PIAS1: variants seen among roughly 807,000 people sequenced by gnomAD.
The protein encoded by PIAS1 is E3 SUMO-protein ligase PIAS1.
A neutral mutation model predicts 71.3 loss-of-function variants in PIAS1; 6 were observed. The ratio of observed to expected loss-of-function variants is 0.08; its 90% CI spans 0.05 to 0.17. PIAS1 has a LOEUF of 0.17. Ranked by LOEUF, PIAS1 falls within the 10% of genes least tolerant of loss-of-function variation. The pLI is 1.00. For missense variants in PIAS1, 555 were observed against 793.6 expected (o/e 0.70, Z 3.61); for synonymous variants, 303 against 292.9 (o/e 1.03, Z -0.35).
chr15:68,114,971 T>TA (rs1460046993), intron 2 of PIAS1, among the ~76,000 whole-genome samples: 6 of 152,220 alleles, frequency 3.9e-5, no homozygotes, highest in African/African-American at 1.4e-4. Flanking sequence ...GAGATGGTGT[T>TA]ACAAATCTTC....
chr15:68,056,389 G>T (rs2091896651), intron 1 of PIAS1, among the ~76,000 whole-genome samples: 1 of 152,154 alleles, frequency 6.6e-6, no homozygotes. Flanking sequence ...GTCTTGTTAG[G>T]TAAAGTTTCT....
In PIAS1 at chr15:68,192,405, C is replaced by T. The variant is rs1013077575; in HGVS notation, c.*4570C>T. 2.0e-5 allele frequency: 3 copies of T among 152,204 alleles called. No homozygotes were observed. The highest frequency in any genetic ancestry group is 2.9e-5 in the Non-Finnish European group (2 of 68,052). The allele number at this position is 152,204 out of a possible 1,614,324, so 9.4% of individuals were successfully genotyped here. On this transcript the variant is annotated 3_prime_UTR_variant, in exon 14 of 14. Coordinates refer to ENST00000249636, the MANE Select transcript of PIAS1 (RefSeq NM_016166.3). Reference sequence around the variant, plus strand: ...TTGTATTCTTAAGGCAGCCAAATCTCGTAAACCTCAGACCCCACAAAACAT... The same window carrying T: ...TTGTATTCTTAAGGCAGCCAAATCTTGTAAACCTCAGACCCCACAAAACAT...
intron 6 of PIAS1, among the ~76,000 whole-genome samples, chr15:68,147,773 T>C (rs1271504658): frequency 6.6e-6 from 1 of 152,200 alleles, no homozygotes; most frequent in African/African-American, 2.4e-5. Flanking sequence ...TCTTTCACTT[T>C]TTAAATAGCT....
At chr15:68,176,774 AT>A in intron 11 of PIAS1, 120 bp downstream of exon 11, 1 of 749,432 alleles carries the variant, frequency 1.3e-6, no homozygotes, top group Non-Finnish European at 2.1e-6. Flanking sequence ...CAATCAAAGA[AT>A]AGTTTGAATT....
At position 68,189,192 on chromosome 15, in the gene PIAS1, CTG is replaced by C. The variant is rs901432533; in HGVS notation, c.*1359_*1360del. ...ATGGAACATGTAAATATACTGAAAA[CTG>C]TTTTTCAGGAGAGAAATATGAGTTG... On this transcript the variant is annotated 3_prime_UTR_variant, in exon 14 of 14. Coordinates refer to ENST00000249636, the MANE Select transcript of PIAS1 (RefSeq NM_016166.3). The C allele has an allele frequency of 5.7e-4, 86 of 152,158 alleles. No homozygotes were observed. Among genetic ancestry groups the C allele is most frequent in the African/African-American group, 2.0e-3 (81 of 41,526 alleles). The allele number at this position is 152,158 out of a possible 1,614,324, so 9.4% of individuals were successfully genotyped here.
chr15:68,090,260 C>T (rs892854432), intron 2 of PIAS1, among the ~76,000 whole-genome samples: 2 of 151,744 alleles, frequency 1.3e-5, no homozygotes, highest in South Asian at 4.2e-4. Context: ...TGGAATGTGG[C>T]GGCGAGATCT....
At chr15:68,058,072 T>C (rs2091915393) in intron 1 of PIAS1, among the ~76,000 whole-genome samples, 1 of 152,248 alleles carries the variant, frequency 6.6e-6, no homozygotes, top group South Asian at 2.1e-4. Context: ...GTGTAATTTG[T>C]ACCCTTTTTT....
At chr15:68,062,399 G>T (rs192874045) in intron 1 of PIAS1, among the ~76,000 whole-genome samples, 10 of 152,134 alleles carry the variant, frequency 6.6e-5, no homozygotes, top group Admixed American at 5.2e-4. Flanking sequence ...AGTTCACCTC[G>T]TTAAAGTGCA....
intron 2 of PIAS1, among the ~76,000 whole-genome samples, chr15:68,102,742 C>G (rs1337819554): frequency 1.3e-5 from 2 of 151,946 alleles, no homozygotes; most frequent in African/African-American, 2.4e-5. Flanking sequence ...ACTTATAGTT[C>G]TAGGAAGTTT....
At chr15:68,168,162 C>G (rs1384288528) in intron 8 of PIAS1, among the ~76,000 whole-genome samples, 2 of 151,936 alleles carry the variant, frequency 1.3e-5, no homozygotes, top group Non-Finnish European at 2.9e-5. Context: ...GCGCCTGTCA[C>G]CACGCCCGGC....
chr15:68,124,241 C>A (rs542709612), intron 2 of PIAS1, among the ~76,000 whole-genome samples: 1 of 152,180 alleles, frequency 6.6e-6, no homozygotes, highest in South Asian at 2.1e-4. Context: ...CTACTGATGG[C>A]TATAACTATG....
intron 1 of PIAS1, among the ~76,000 whole-genome samples, chr15:68,077,894 G>A (rs1412420081): frequency 6.6e-6 from 1 of 152,182 alleles, no homozygotes; most frequent in South Asian, 2.1e-4. Context: ...GACCCAGACT[G>A]AAGGCTGTAA....
Position 68,167,511 on chromosome 15 carries a change from A to C in PIAS1, c.1008+2707A>C, listed in dbSNP as rs1039464798. Among the ~76,000 whole-genome samples, 5 of 152,202 alleles carry C rather than the reference A, an allele frequency of 3.3e-5. No individual in the cohort carries two copies. The highest frequency in any genetic ancestry group is 1.2e-4 in the African/African-American group (5 of 41,466). The stretch of plus-strand genomic sequence containing the variant: ...CATTTAGCTAAAGGCAACAAAAATA[A>C]TTAAAAATGTTTTTACTCTTTGGGA... On this transcript the variant is annotated intron_variant, in intron 8 of 13. Transcript: ENST00000249636. The surrounding 1 kb of genome is among the most constrained non-coding windows in gnomAD (Gnocchi z 4.4).
rs566577979 is a variant in PIAS1 at position 68,183,246 on chromosome 15, G to T, written c.1625-384G>T. On this transcript the variant is annotated intron_variant, in intron 12 of 13. Transcript: ENST00000249636. ...CTTCAAACTTTCTCACCTGCAAAATGAGGGCAAAACTAATTACATACCTCA... is the reference window on the plus strand; with the variant it reads ...CTTCAAACTTTCTCACCTGCAAAATTAGGGCAAAACTAATTACATACCTCA... 1.8e-3 allele frequency among the ~76,000 whole-genome samples: 277 copies of T among 152,326 alleles called. 2 individuals carry two copies. Among genetic ancestry groups the T allele is most frequent in the African/African-American group, 6.5e-3 (270 of 41,568 alleles).
At chr15:68,060,476 G>A (rs550347688) in intron 1 of PIAS1, among the ~76,000 whole-genome samples, 1 of 152,130 alleles carries the variant, frequency 6.6e-6, no homozygotes, top group East Asian at 1.9e-4. Context: ...AGCCGGGCGT[G>A]GTGGTGCGCA....
chr15:68,064,066 T>C (rs2091989979), intron 1 of PIAS1, among the ~76,000 whole-genome samples: 1 of 152,202 alleles, frequency 6.6e-6, no homozygotes, highest in Non-Finnish European at 1.5e-5. Context: ...TCAAATCTGA[T>C]GGTTAACTCA....
rs1374772172 is a variant in PIAS1 at position 68,182,347 on chromosome 15, A to T, written c.1624+993A>T. On this transcript the variant is annotated intron_variant, in intron 12 of 13. Transcript: ENST00000249636. ...TAAAAAAGCCATATATGCTCATTGT[A>T]GAAAATTCAACACAGAAACATAAAG... Among the ~76,000 whole-genome samples the T allele has an allele frequency of 1.3e-5, 2 of 151,264 alleles. 1 individual carries two copies. Among genetic ancestry groups the T allele is most frequent in the Non-Finnish European group, 2.9e-5 (2 of 67,886 alleles).
At position 68,192,381 on chromosome 15, in the gene PIAS1, T is replaced by A. The variant is rs2093124345; in HGVS notation, c.*4546T>A. The A allele has an allele frequency of 3.9e-5, 6 of 152,268 alleles. No individual in the cohort carries two copies. Among genetic ancestry groups the A allele is most frequent in the Admixed American group, 3.9e-4 (6 of 15,288 alleles). The allele number at this position is 152,268 out of a possible 1,614,324, so 9.4% of individuals were successfully genotyped here. A position where few individuals can be genotyped will look rare whatever the true frequency, so the allele number is the denominator to read the frequency against. ...CCCAGAAATTCTGCATTTCTGTTTT[T>A]GTATTCTTAAGGCAGCCAAATCTCG... On this transcript the variant is annotated 3_prime_UTR_variant, in exon 14 of 14. Transcript: ENST00000249636.
chr15:68,068,339 A>G (rs1441010807), intron 1 of PIAS1, among the ~76,000 whole-genome samples: 4 of 152,206 alleles, frequency 2.6e-5, no homozygotes, highest in Non-Finnish European at 5.9e-5. Context: ...ACTGTACTCC[A>G]GCCTGAAGGA....
Sources: allele counts gnomAD v4.1 joint callset (sites outside exome capture counted in the v4.1 genomes callset), GRCh38; gene constraint gnomAD v4.1.1; non-coding constraint Gnocchi (gnomAD v3.1); transcripts MANE v1.5; gene names NCBI Gene and HGNC (gene_info 2026-07-23, HGNC 2026-07-21).